Variants in EXPH5 observed in about 807,000 individuals in gnomAD.
EXPH5 encodes exophilin 5.
EXPH5 carries 42 observed loss-of-function variants against 41.1 expected under a neutral mutation model. The ratio of observed to expected loss-of-function variants is 1.02; its 90% CI spans 0.80 to 1.32. The LOEUF is 1.32. EXPH5 is among the 40% of genes most tolerant of loss of function. EXPH5 has a pLI of 0.00. For missense variants in EXPH5, 2,298 were observed against 2,314.5 expected, an observed-to-expected ratio of 0.99 and a Z score of 0.15; for synonymous variants, 798 against 833.5, an observed-to-expected ratio of 0.96 and a Z score of 0.73.
rs181581015 is a variant in EXPH5 at position 108,509,902 on chromosome 11, C to T, written c.5605G>A (p.Gly1869Arg). 140 of 1,606,678 alleles carry T rather than the reference C, an allele frequency of 8.7e-5. 1 individual carries two copies. Among genetic ancestry groups the T allele is most frequent in the African/African-American group, 7.0e-4 (52 of 74,552 alleles). Residue 1869 changes from glycine to arginine, a missense_variant, in exon 6 of 6, where the codon GGG becomes AGG. By Grantham distance (125) the Gly-to-Arg change is moderately radical (BLOSUM62 -2). Coordinates refer to ENST00000265843, the MANE Select transcript of EXPH5 (RefSeq NM_015065.3). ...GCAGACCTGGGACCTGTTTTTGTCC[C>T]GCTGCGATAAGCCCAACTTTCATTT... ...DGNESWAYRS[G>R]TKTGPRSAIS... is the part of the protein sequence containing the mutation.
rs1375112951 is a variant in EXPH5, at chr11:108,512,260, T to C, written c.3247A>G (p.Lys1083Glu). 2 of 1,612,652 alleles carry C rather than the reference T, an allele frequency of 1.2e-6. No homozygotes were observed. The highest frequency in any genetic ancestry group is 8.5e-7 in the Non-Finnish European group (1 of 1,179,546). ...TCCAGGGCTGAGTCTGAAAGGACTT[T>C]GGAACATTCATTCGCTGACTCAGGA... ...SSPESANECSKVLSDSALEAP... is the reference protein window; with the variant it reads ...SSPESANECSEVLSDSALEAP... Residue 1083 changes from lysine to glutamate, a missense_variant, in exon 6 of 6, where the codon AAA (lysine) becomes GAA (glutamate). Physicochemically the swap from Lys to Glu is moderately conservative, Grantham distance 56. Coordinates refer to ENST00000265843, the MANE Select transcript of EXPH5 (RefSeq NM_015065.3).
intron 1 of EXPH5, among the ~76,000 whole-genome samples, chr11:108,561,403 C>T (rs989351119): frequency 1.1e-4 from 16 of 152,076 alleles, no homozygotes; most frequent in African/African-American, 3.9e-4. Context: ...TCTCTATTCT[C>T]TTTGCCAACA....
At chr11:108,562,282 T>G (rs1334248788) in intron 1 of EXPH5, among the ~76,000 whole-genome samples, 2 of 151,028 alleles carry the variant, frequency 1.3e-5, no homozygotes, top group Non-Finnish European at 3.0e-5. Context: ...TTTTTTTTTT[T>G]TTGTAATTGT....
chr11:108,509,551 C>G lies in EXPH5; in HGVS notation c.5956G>C (p.Glu1986Gln). Residue 1986 changes from glutamate to glutamine, a missense_variant, in exon 6 of 6, where the codon GAG (glutamate) becomes CAG (glutamine). Glu to Gln is a conservative substitution (Grantham distance 29). Coordinates refer to ENST00000265843, the MANE Select transcript of EXPH5 (RefSeq NM_015065.3). The part of the protein sequence containing the change: ...DEYYLDENDK[E>Q]SEL ...TTGAAAAAGCCTCACAGTTCTGACT[C>G]TTTGTCATTTTCATCCAGGTAGTAT... is the stretch of plus-strand genomic sequence containing the variant. 6.4e-7 allele frequency: 1 copy of G among 1,555,244 alleles called. No individual in the cohort carries two copies. Among genetic ancestry groups the G allele is most frequent in the Non-Finnish European group, 8.6e-7 (1 of 1,157,936 alleles).
chr11:108,540,996 C>G (rs1023519662), intron 2 of EXPH5, among the ~76,000 whole-genome samples: 1 of 152,146 alleles, frequency 6.6e-6, no homozygotes, highest in African/African-American at 2.4e-5. Context: ...CCTCTGCCTC[C>G]CAGGCTCAAA....
intron 3 of EXPH5, among the ~76,000 whole-genome samples, chr11:108,530,840 G>A (rs2093833067): frequency 6.6e-6 from 1 of 152,170 alleles, no homozygotes; most frequent in South Asian, 2.1e-4. Flanking sequence ...ATTGCCTAAG[G>A]GTGCCATGGT....
At chr11:108,594,181 T>C (rs2094135287), upstream of EXPH5, among the ~76,000 whole-genome samples, 7 of 152,204 alleles carry the variant, frequency 4.6e-5, no homozygotes, top group South Asian at 1.4e-3. Flanking sequence ...CACTACTGAC[T>C]GTGGATGAAC....
At chr11:108,573,258 G>A (rs1222512621) in intron 1 of EXPH5, among the ~76,000 whole-genome samples, 1 of 152,022 alleles carries the variant, frequency 6.6e-6, no homozygotes, top group East Asian at 1.9e-4. Flanking sequence ...GCAAGCAAGC[G>A]AGGGAGAAAG....
intron 1 of EXPH5, among the ~76,000 whole-genome samples, chr11:108,557,627 C>CA (rs1405060258): frequency 6.6e-6 from 1 of 152,042 alleles, no homozygotes; most frequent in Non-Finnish European, 1.5e-5. Flanking sequence ...GGATTACAGG[C>CA]ACGAGCCACT....
At chr11:108,571,489 T>C (rs1461915061) in intron 1 of EXPH5, among the ~76,000 whole-genome samples, 3 of 152,150 alleles carry the variant, frequency 2.0e-5, no homozygotes, top group African/African-American at 7.2e-5. Context: ...CCGCCTGCTT[T>C]TTCTACTCTG....
At chr11:108,563,193 A>G (rs1693303315) in intron 1 of EXPH5, among the ~76,000 whole-genome samples, 1 of 152,122 alleles carries the variant, frequency 6.6e-6, no homozygotes, top group South Asian at 2.1e-4. Context: ...TGTGGTTTGG[A>G]GGAAAGGTAG....
chr11:108,532,354 ATATATATATATATTTTTTTTTT>A (rs1307766546), intron 3 of EXPH5, among the ~76,000 whole-genome samples: 4 of 23,004 alleles, frequency 1.7e-4, no homozygotes, highest in East Asian at 9.4e-4. Context: ...ATATATATAT[ATATATATATATATTTTTTTTTT>A]TTTTTTTTTT....
chr11:108,551,312 C>CA (rs1186349908), intron 1 of EXPH5, among the ~76,000 whole-genome samples: 1 of 152,164 alleles, frequency 6.6e-6, no homozygotes, highest in Admixed American at 6.5e-5. Flanking sequence ...ATTAAACAGG[C>CA]AGTAATGAGA....
chr11:108,603,631 T>A, the EXPH5 span, among the ~76,000 whole-genome samples: 1 of 152,244 alleles, frequency 6.6e-6, no homozygotes, highest in East Asian at 1.9e-4. Flanking sequence ...CTCAGTACAT[T>A]AAGCATAATG....
chr11:108,602,121 T>C, the EXPH5 span, among the ~76,000 whole-genome samples: 1 of 152,208 alleles, frequency 6.6e-6, no homozygotes, highest in Non-Finnish European at 1.5e-5. Flanking sequence ...ATGGGAACCA[T>C]TTAATGTGCT....
At chr11:108,575,939 G>A (rs1257368422) in intron 1 of EXPH5, among the ~76,000 whole-genome samples, 1 of 152,174 alleles carries the variant, frequency 6.6e-6, no homozygotes, top group African/African-American at 2.4e-5. Context: ...TCCAGCCTGG[G>A]CGACAGAATG....
At chr11:108,519,937 G>A (rs2093754023) in intron 4 of EXPH5, among the ~76,000 whole-genome samples, 1 of 126,542 alleles carries the variant, frequency 7.9e-6, no homozygotes, top group Non-Finnish European at 1.6e-5. Context: ...GGAGACAGAG[G>A]GAGACTCTGT....
chr11:108,581,232 A>C (rs1175386058), intron 1 of EXPH5, among the ~76,000 whole-genome samples: 1 of 152,146 alleles, frequency 6.6e-6, no homozygotes, highest in Non-Finnish European at 1.5e-5. Context: ...TGAGGCCAGG[A>C]GGTGGAGGTT....
At chr11:108,603,965 A>G in the EXPH5 span, among the ~76,000 whole-genome samples, 3 of 152,224 alleles carry the variant, frequency 2.0e-5, no homozygotes, top group Non-Finnish European at 4.4e-5. Context: ...ATAAGGAAGT[A>G]TAACAGGCTG....
Sources: gnomAD v4.1 joint callset for allele counts (sites outside exome capture counted in the v4.1 genomes callset) on GRCh38, gnomAD v4.1.1 for gene constraint, MANE v1.5 for transcripts, NCBI Gene and HGNC (gene_info 2026-07-23, HGNC 2026-07-21) for gene names.